NINL: variants seen among roughly 807,000 people sequenced by gnomAD.
The protein encoded by NINL is ninein-like protein.
A neutral mutation model predicts 160.3 loss-of-function variants in NINL; 153 were observed. The observed-to-expected ratio is 0.95, with a 90% CI of 0.84 to 1.09. The LOEUF is 1.09. NINL is among the 50% of genes least tolerant of loss of function. The pLI is 0.00. For missense variants in NINL, 1,829 were observed against 1,764.0 expected (o/e 1.04, Z -0.66); for synonymous variants, 800 against 734.8 (o/e 1.09, Z -1.43).
chr20:25,569,820 T>C (rs1197837714), intron 1 of NINL, among the ~76,000 whole-genome samples: 2 of 152,098 alleles, frequency 1.3e-5, no homozygotes, highest in Non-Finnish European at 2.9e-5. Context: ...ACTATGGAAA[T>C]GTCACGACTG....
chr20:25,581,951 G>A (rs975153675), intron 1 of NINL, among the ~76,000 whole-genome samples: 1 of 152,214 alleles, frequency 6.6e-6, no homozygotes, highest in Non-Finnish European at 1.5e-5. Flanking sequence ...AATATAAACT[G>A]CTCAATTAAA....
intron 16 of NINL, among the ~76,000 whole-genome samples, chr20:25,477,926 C>CTTT (rs34667640): frequency 1.4e-5 from 2 of 143,156 alleles, no homozygotes; most frequent in Non-Finnish European, 1.5e-5. Flanking sequence ...GGACAGACGA[C>CTTT]TTTTTTTTTT....
At position 25,481,086 on chromosome 20, in the gene NINL, A is replaced by G. The variant is rs183336214; in HGVS notation, c.1811-819T>C. Among the ~76,000 whole-genome samples, 17 of 152,262 alleles carry G rather than the reference A, an allele frequency of 1.1e-4. No individual in the cohort carries two copies. The East Asian group carries it at 3.1e-3, about 28-fold the overall frequency. ...ACAAAAGCCCCGACTAGGCTCCCCT[A>G]TGAGGTTCCCATATTGGCCTATTTT... On this transcript the variant is annotated intron_variant, in intron 14 of 23. Transcript: ENST00000278886.
intron 1 of NINL, among the ~76,000 whole-genome samples, chr20:25,575,764 C>CA (rs66866946): frequency 6.6e-6 from 1 of 151,052 alleles, no homozygotes; most frequent in African/African-American, 2.4e-5. Flanking sequence ...CACAAAACAA[C>CA]AAAAAAAAAA....
At chr20:25,538,576 G>C (rs1333928642) in intron 1 of NINL, among the ~76,000 whole-genome samples, 1 of 152,176 alleles carries the variant, frequency 6.6e-6, no homozygotes, top group African/African-American at 2.4e-5. Context: ...TATGTGGCTG[G>C]CCAACCATGG....
At chr20:25,552,181 C>G in intron 1 of NINL, among the ~76,000 whole-genome samples, 1 of 152,144 alleles carries the variant, frequency 6.6e-6, no homozygotes, top group East Asian at 1.9e-4. Flanking sequence ...TTTTCTTTTA[C>G]AGAAGCTATT....
intron 17 of NINL, among the ~76,000 whole-genome samples, chr20:25,474,207 G>A (rs2063176612): frequency 6.6e-6 from 1 of 152,252 alleles, no homozygotes. Flanking sequence ...CTTCCAGGAT[G>A]GAAGGACGCC....
Position 25,533,601 on chromosome 20 carries a change from C to T in NINL, c.-11-7003G>A, listed in dbSNP as rs1291767157. On this transcript the variant is annotated intron_variant, in intron 1 of 23. Coordinates refer to ENST00000278886, the MANE Select transcript of NINL (RefSeq NM_025176.6). ...CACAGGCAGACATAGACCCATGGAA[C>T]AGAATACAGACCCCAGAAATCAACC... 2.6e-5 allele frequency among the ~76,000 whole-genome samples: 4 copies of T among 152,276 alleles called. No homozygotes were observed. In the East Asian group the frequency reaches 7.7e-4, roughly 29 times the overall value.
At chr20:25,567,505 A>C (rs1035138898) in intron 1 of NINL, among the ~76,000 whole-genome samples, 3 of 152,180 alleles carry the variant, frequency 2.0e-5, no homozygotes, top group Non-Finnish European at 4.4e-5. Flanking sequence ...ATCATATTCA[A>C]ATTGGAGAAA....
chr20:25,539,657 C>T (rs1452837749), intron 1 of NINL, among the ~76,000 whole-genome samples: 1 of 152,182 alleles, frequency 6.6e-6, no homozygotes, highest in East Asian at 1.9e-4. Flanking sequence ...GCAAATCGGC[C>T]TTCCCCTCCC....
chr20:25,516,918 A>G (rs1466894734), intron 3 of NINL, among the ~76,000 whole-genome samples: 3 of 152,140 alleles, frequency 2.0e-5, no homozygotes, highest in African/African-American at 7.2e-5. Flanking sequence ...AATCCTGGCC[A>G]TCGCTTACTA....
chr20:25,476,802 G>A lies in NINL; in HGVS notation c.2489C>T (p.Pro830Leu), dbSNP rs748441660. 4.1e-5 allele frequency: 66 copies of A among 1,612,750 alleles called. 1 individual carries two copies. In the South Asian group the frequency reaches 6.4e-4, roughly 16 times the overall value. ...PSLEAEMQAL[P>L]KDGLVAGSGQ... The stretch of plus-strand genomic sequence containing the variant: ...ACTTCCTGCCACCAGCCCATCTTTC[G>A]GCAGGGCCTGCATCTCTGCTTCCAG... Residue 830 changes from proline to leucine, a missense_variant, in exon 17 of 24, where the codon CCG becomes CTG. Physicochemically the swap from Pro to Leu is moderately conservative, Grantham distance 98 (BLOSUM62 -3). Transcript: ENST00000278886.
chr20:25,472,353 A>G, intron 17 of NINL, among the ~76,000 whole-genome samples: 1 of 112,244 alleles, frequency 8.9e-6, no homozygotes, highest in Admixed American at 8.2e-5. Flanking sequence ...ATATATATAT[A>G]TATATATATA....
In NINL at chr20:25,535,094, G is replaced by A. The variant is rs146980942; in HGVS notation, c.-11-8496C>T. Among the ~76,000 whole-genome samples the A allele has an allele frequency of 1.4e-3, 207 of 152,264 alleles. 1 individual carries two copies. The highest frequency in any genetic ancestry group is 4.7e-3 in the African/African-American group (195 of 41,532). On this transcript the variant is annotated intron_variant, in intron 1 of 23. Transcript: ENST00000278886. ...AAATATTATTACACCTCAAAAAGGA[G>A]GAAAATCTTTTCATTTGCAACAACA...
At chr20:25,519,221 T>C (rs1434139773) in intron 2 of NINL, among the ~76,000 whole-genome samples, 1 of 152,200 alleles carries the variant, frequency 6.6e-6, no homozygotes, top group Admixed American at 6.5e-5. Flanking sequence ...TACTGTCTTC[T>C]ATGACAATAC....
chr20:25,578,744 G>A (rs2065142851), intron 1 of NINL, among the ~76,000 whole-genome samples: 1 of 138,846 alleles, frequency 7.2e-6, no homozygotes, highest in South Asian at 2.2e-4. Flanking sequence ...AGTGAGCGGA[G>A]ATCGCCCACT....
At position 25,476,746 on chromosome 20, in the gene NINL, G is replaced by A; in HGVS notation, c.2545C>T (p.Leu849=). 1.6e-5 allele frequency: 25 copies of A among 1,608,484 alleles called. No individual in the cohort carries two copies. The highest frequency in any genetic ancestry group is 2.1e-5 in the Non-Finnish European group (25 of 1,179,668). Residue 849 remains leucine, a synonymous_variant, in exon 17 of 24, where the codon CTG becomes TTG. Transcript: ENST00000278886. ...GQEGTRGLLP[L]RPGCGERPLA... is the part of the protein sequence containing the mutation. ...GGCCGCTCCCCACAGCCCGGACGCA[G>A]TGGTAGGAGGCCACGTGTGCCCTCC...
chr20:25,584,860 G>A (rs1253270071), intron 1 of NINL, among the ~76,000 whole-genome samples: 4 of 152,244 alleles, frequency 2.6e-5, no homozygotes, highest in Non-Finnish European at 5.9e-5. Context: ...GTGTGACTGC[G>A]CGCACAGGCG....
At chr20:25,573,160 GGTGGCACATGCCTGTA>G (rs1308621005) in intron 1 of NINL, among the ~76,000 whole-genome samples, 2 of 152,050 alleles carry the variant, frequency 1.3e-5, no homozygotes, top group African/African-American at 4.8e-5. Context: ...AGCTGGGCAT[GGTGGCACATGCCTGTA>G]GTGCCAGCTA....
Sources: allele counts gnomAD v4.1 joint callset (sites outside exome capture counted in the v4.1 genomes callset), GRCh38; gene constraint gnomAD v4.1.1; transcripts MANE v1.5; gene names NCBI Gene and HGNC (gene_info 2026-07-23, HGNC 2026-07-21).